The following GLRB variants were observed in gnomAD, a reference collection of about 807,000 sequenced individuals.
GLRB encodes the protein glycine receptor beta.
A neutral mutation model predicts 54.2 loss-of-function variants in GLRB; 33 were observed. The observed-to-expected ratio is 0.61, with a 90% CI of 0.46 to 0.81. The LOEUF is 0.81. GLRB is among the 40% of genes least tolerant of loss of function. GLRB has a pLI of 0.00. For synonymous variants in GLRB, 209 were observed against 208.2 expected, an observed-to-expected ratio of 1.00 and a Z score of -0.03; for missense variants, 572 against 584.6, an observed-to-expected ratio of 0.98 and a Z score of 0.22.
At chr4:157,100,847 A>G (rs1181225378) in intron 2 of GLRB, among the ~76,000 whole-genome samples, 7 of 152,168 alleles carry the variant, frequency 4.6e-5, no homozygotes, top group Admixed American at 4.6e-4. Context: ...TACACTTTGA[A>G]AAATGAGAAC....
intron 2 of GLRB, among the ~76,000 whole-genome samples, chr4:157,082,107 C>T (rs1325979198): frequency 6.6e-6 from 1 of 152,072 alleles, no homozygotes; most frequent in East Asian, 1.9e-4. Context: ...CTGTAACTAC[C>T]ACTTACTGTT....
chr4:157,141,862 T>C (rs11938201), intron 7 of GLRB, among the ~76,000 whole-genome samples: 5,248 of 152,188 alleles, frequency 0.034, 154 homozygotes, highest in African/African-American at 0.082. Flanking sequence ...TGCTCCAAAT[T>C]GCAGGACTCA....
intron 2 of GLRB, chr4:157,084,621 GT>G: frequency 2.2e-6 from 1 of 456,182 alleles, no homozygotes; most frequent in Non-Finnish European, 4.4e-6. Flanking sequence ...GTGTGCATAT[GT>G]AAATGGTTTG....
chr4:157,170,428 T>C lies in GLRB; in HGVS notation c.1198-4T>C, dbSNP rs963158371. 4 of 1,541,988 alleles carry C rather than the reference T, an allele frequency of 2.6e-6. No homozygotes were observed. The African/African-American group carries it at 4.1e-5, about 16-fold the overall frequency. On this transcript the variant is annotated splice_region_variant and splice_polypyrimidine_tract_variant and intron_variant, in intron 9 of 9. Transcript: ENST00000264428. ...AATACATTGTCTTCAATATTTATTC[T>C]TAGGTTGGTGAGACCAGATGCAAAA...
chr4:157,086,085 T>G (rs4432799), intron 2 of GLRB, among the ~76,000 whole-genome samples: 38,298 of 152,010 alleles, frequency 0.25, 5,293 homozygotes, highest in East Asian at 0.42. Flanking sequence ...TCCCGCCTTG[T>G]TCTCCCAAAG....
At chr4:157,092,868 C>T (rs780042108) in intron 2 of GLRB, among the ~76,000 whole-genome samples, 1 of 152,096 alleles carries the variant, frequency 6.6e-6, no homozygotes, top group Non-Finnish European at 1.5e-5. Flanking sequence ...TATCAGAGTC[C>T]TCCTTGTTTA....
chr4:157,084,205 A>G (rs1478710178), intron 2 of GLRB, among the ~76,000 whole-genome samples: 2 of 152,210 alleles, frequency 1.3e-5, no homozygotes, highest in Non-Finnish European at 2.9e-5. Context: ...TGGCCAAGCT[A>G]TACAACTCCT....
At chr4:157,108,846 A>G (rs1269110390) in intron 2 of GLRB, among the ~76,000 whole-genome samples, 2 of 152,062 alleles carry the variant, frequency 1.3e-5, no homozygotes, top group South Asian at 2.1e-4. Flanking sequence ...CCATTGATCT[A>G]GCAAACTTCA....
intron 1 of GLRB, among the ~76,000 whole-genome samples, chr4:157,077,496 G>T (rs1051391114): frequency 5.3e-5 from 8 of 151,656 alleles, no homozygotes; most frequent in Non-Finnish European, 1.0e-4. Flanking sequence ...TTAATACTTA[G>T]AATTTCTTTT....
At chr4:157,157,758 G>T (rs1480848123) in intron 9 of GLRB, among the ~76,000 whole-genome samples, 1 of 152,154 alleles carries the variant, frequency 6.6e-6, no homozygotes, top group Non-Finnish European at 1.5e-5. Flanking sequence ...ATATGGGTTG[G>T]TTCCAAGTCT....
chr4:157,161,364 C>G (rs2126621829), intron 9 of GLRB, among the ~76,000 whole-genome samples: 2 of 152,246 alleles, frequency 1.3e-5, no homozygotes, highest in African/African-American at 4.8e-5. Context: ...TGAATTTGAT[C>G]CTGTCATTAT....
chr4:157,164,308 T>G (rs1277420802), intron 9 of GLRB, among the ~76,000 whole-genome samples: 2 of 152,208 alleles, frequency 1.3e-5, no homozygotes, highest in Admixed American at 6.5e-5. Context: ...ATACAGTTAT[T>G]TCTCCAGGCC....
intron 7 of GLRB, among the ~76,000 whole-genome samples, chr4:157,142,376 G>A (rs1736649715): frequency 2.0e-5 from 3 of 152,056 alleles, no homozygotes; most frequent in South Asian, 4.1e-4. Context: ...GAAGCATTTG[G>A]CATAAATAGA....
At chr4:157,124,588 AGTT>A in intron 4 of GLRB, among the ~76,000 whole-genome samples, 1 of 151,970 alleles carries the variant, frequency 6.6e-6, no homozygotes, top group East Asian at 1.9e-4. Context: ...CTATTTGCTT[AGTT>A]AAGTAAAATG....
At chr4:157,127,910 A>G (rs948729676) in intron 4 of GLRB, among the ~76,000 whole-genome samples, 3 of 151,896 alleles carry the variant, frequency 2.0e-5, no homozygotes, top group African/African-American at 7.2e-5. Flanking sequence ...TGGTGCTTGA[A>G]GCCACTATTT....
chr4:157,078,627 A>G (rs1397249830), intron 2 of GLRB, among the ~76,000 whole-genome samples: 1 of 152,132 alleles, frequency 6.6e-6, no homozygotes, highest in East Asian at 1.9e-4. Context: ...TGATAGATCA[A>G]TTTTCTAATT....
chr4:157,095,380 G>A (rs1177809041), intron 2 of GLRB, among the ~76,000 whole-genome samples: 1 of 151,930 alleles, frequency 6.6e-6, no homozygotes, highest in Non-Finnish European at 1.5e-5. Flanking sequence ...AGGAAATGAG[G>A]GGAAAACAAG....
intron 2 of GLRB, among the ~76,000 whole-genome samples, chr4:157,113,168 T>C (rs950609269): frequency 7.2e-5 from 11 of 151,892 alleles, no homozygotes; most frequent in African/African-American, 2.7e-4. Context: ...GATATTTTCG[T>C]TGGGCCAGGA....
intron 8 of GLRB, among the ~76,000 whole-genome samples, chr4:157,147,636 A>G (rs574042683): frequency 1.3e-5 from 2 of 152,308 alleles, no homozygotes; most frequent in South Asian, 2.1e-4. Context: ...ATGAAGGACA[A>G]CCAGTAGTGA....
Sources: gnomAD v4.1 joint callset for allele counts (sites outside exome capture counted in the v4.1 genomes callset) on GRCh38, gnomAD v4.1.1 for gene constraint, MANE v1.5 for transcripts, NCBI Gene and HGNC (gene_info 2026-07-23, HGNC 2026-07-21) for gene names.